The following AKAP7 variants were observed in gnomAD, a reference collection of about 807,000 sequenced individuals.
AKAP7 encodes the protein A kinase (PRKA) anchor protein 7.
AKAP7 carries 39 observed loss-of-function variants against 39.5 expected under a neutral mutation model. The observed-to-expected ratio is 0.99, with a 90% CI of 0.76 to 1.29. The LOEUF is 1.29. Ranked by LOEUF, AKAP7 falls within the 50% of genes most tolerant of loss-of-function variation. The pLI is 0.00. For missense variants in AKAP7, 414 were observed against 407.7 expected (o/e 1.02, Z -0.13); for synonymous variants, 140 against 139.1 (o/e 1.01, Z -0.05).
chr6:131,264,341 G>C (rs927368739), intron 7 of AKAP7, among the ~76,000 whole-genome samples: 1 of 152,184 alleles, frequency 6.6e-6, no homozygotes, highest in Non-Finnish European at 1.5e-5. Context: ...TTCTGCTGTG[G>C]TCTGTTTATG....
chr6:131,191,516 T>C (rs1365421452), intron 5 of AKAP7, among the ~76,000 whole-genome samples: 4 of 152,220 alleles, frequency 2.6e-5, no homozygotes, highest in African/African-American at 9.6e-5. Context: ...ATCTCTTGTG[T>C]TAGTTACATT....
intron 7 of AKAP7, among the ~76,000 whole-genome samples, chr6:131,247,298 TATATATATATATATATG>T (rs1269296288): frequency 9.4e-5 from 12 of 128,064 alleles, no homozygotes; most frequent in Middle Eastern, 3.9e-3. Context: ...TATATATATA[TATATATATATATATATG>T]TTTTTTTTTT....
At chr6:131,167,532 G>A (rs1803627296) in intron 4 of AKAP7, among the ~76,000 whole-genome samples, 1 of 152,124 alleles carries the variant, frequency 6.6e-6, no homozygotes, top group Non-Finnish European at 1.5e-5. Flanking sequence ...AGCACACAGT[G>A]AAGGAAAATA....
At chr6:131,217,897 A>G (rs1045531380) in intron 6 of AKAP7, among the ~76,000 whole-genome samples, 2 of 152,032 alleles carry the variant, frequency 1.3e-5, no homozygotes, top group African/African-American at 2.4e-5. Context: ...ACTTTCTCCA[A>G]CCTGCACACC....
At position 131,222,525 on chromosome 6, in the gene AKAP7, C is replaced by CA. The variant is rs575491715; in HGVS notation, c.850+2726dup. ...CTGGGTGACAAAGTGACACTCATCT[C>CA]AAAAAAAAAGAAAAAAGAAAAGAAA... On this transcript the variant is annotated intron_variant, in intron 7 of 7. Coordinates refer to ENST00000431975, the MANE Select transcript of AKAP7 (RefSeq NM_016377.4). 1.3e-3 allele frequency among the ~76,000 whole-genome samples: 197 copies of CA among 148,660 alleles called. 1 individual carries two copies. The highest frequency in any genetic ancestry group is 1.3e-3 in the South Asian group (6 of 4,686).
At chr6:131,216,328 C>A (rs1473146215) in intron 6 of AKAP7, among the ~76,000 whole-genome samples, 1 of 152,112 alleles carries the variant, frequency 6.6e-6, no homozygotes, top group African/African-American at 2.4e-5. Context: ...CTCTTTGGTA[C>A]ATATTAAATT....
intron 7 of AKAP7, among the ~76,000 whole-genome samples, chr6:131,271,020 G>A (rs1216112118): frequency 6.6e-6 from 1 of 152,054 alleles, no homozygotes; most frequent in Non-Finnish European, 1.5e-5. Flanking sequence ...TCTGTGGATT[G>A]CCTTTTGTTT....
intron 6 of AKAP7, among the ~76,000 whole-genome samples, chr6:131,213,569 G>A (rs17573187): frequency 0.12 from 18,645 of 152,136 alleles, 1,333 homozygotes; most frequent in Non-Finnish European, 0.15. Flanking sequence ...CCACAAGACT[G>A]TTCCAAGCCA....
At chr6:131,161,362 G>T (rs1584979084) in intron 3 of AKAP7, among the ~76,000 whole-genome samples, 1 of 151,754 alleles carries the variant, frequency 6.6e-6, no homozygotes, top group South Asian at 2.1e-4. Context: ...GTCCTAATAA[G>T]GGCCAGGTGT....
At chr6:131,136,436 AAG>A in intron 1 of AKAP7, among the ~76,000 whole-genome samples, 1 of 152,362 alleles carries the variant, frequency 6.6e-6, no homozygotes, top group Non-Finnish European at 1.5e-5. Context: ...AGAGTATAAA[AAG>A]CATAAAAACG....
chr6:131,250,329 A>G, intron 7 of AKAP7: 3 of 1,317,324 alleles, frequency 2.3e-6, no homozygotes, highest in South Asian at 1.9e-5. Flanking sequence ...ACTGAATGCC[A>G]GTCCCAGAGC....
intron 7 of AKAP7, among the ~76,000 whole-genome samples, chr6:131,273,966 G>T (rs1814526904): frequency 6.8e-6 from 1 of 146,218 alleles, no homozygotes. Flanking sequence ...TTGAGATGGA[G>T]TCTCGCACTG....
In AKAP7 at chr6:131,189,519, CTT is replaced by C. The variant is rs1384160465; in HGVS notation, c.590-9940_590-9939del. 4.6e-5 allele frequency among the ~76,000 whole-genome samples: 7 copies of C among 152,194 alleles called. No individual in the cohort carries two copies. The East Asian group carries it at 7.7e-4, about 17-fold the overall frequency. On this transcript the variant is annotated intron_variant, in intron 5 of 7. Transcript: ENST00000431975. ...AAAGGGTATATAAGTAGAAACATGA[CTT>C]TGTTAAAATTGATCTGTTACAGTTT...
At chr6:131,227,639 A>C (rs1810289467) in intron 7 of AKAP7, among the ~76,000 whole-genome samples, 1 of 152,180 alleles carries the variant, frequency 6.6e-6, no homozygotes, top group Non-Finnish European at 1.5e-5. Flanking sequence ...TAAACAGAAG[A>C]AGCAAAGATC....
At chr6:131,140,168 G>A (rs749033388) in intron 1 of AKAP7, among the ~76,000 whole-genome samples, 4 of 152,126 alleles carry the variant, frequency 2.6e-5, no homozygotes, top group East Asian at 1.9e-4. Context: ...CTTGCACATC[G>A]GAATTACTCT....
chr6:131,176,157 A>G (rs961008882), intron 5 of AKAP7, among the ~76,000 whole-genome samples: 4 of 152,134 alleles, frequency 2.6e-5, no homozygotes, highest in African/African-American at 9.7e-5. Context: ...GGCTAAAGAG[A>G]CCAAGCCCTT....
chr6:131,150,353 T>G (rs1801818410), intron 2 of AKAP7, among the ~76,000 whole-genome samples: 1 of 152,214 alleles, frequency 6.6e-6, no homozygotes, highest in South Asian at 2.1e-4. Flanking sequence ...TTAAACATCT[T>G]AAAATATAAA....
At chr6:131,248,098 C>A (rs180716109) in intron 7 of AKAP7, among the ~76,000 whole-genome samples, 101 of 152,264 alleles carry the variant, frequency 6.6e-4, no homozygotes, top group Middle Eastern at 3.4e-3. Flanking sequence ...AAGATGGCAG[C>A]TAGTAGGGCA....
At chr6:131,251,568 T>TAA (rs3836927) in intron 7 of AKAP7, among the ~76,000 whole-genome samples, 79 of 150,590 alleles carry the variant, frequency 5.2e-4, no homozygotes, top group Middle Eastern at 6.8e-3. Context: ...CAGGGACTGT[T>TAA]AAAAAAAAAA....
Sources: allele counts gnomAD v4.1 joint callset (sites outside exome capture counted in the v4.1 genomes callset), GRCh38; gene constraint gnomAD v4.1.1; transcripts MANE v1.5; gene names NCBI Gene and HGNC (gene_info 2026-07-23, HGNC 2026-07-21).